USP13: variants seen among roughly 807,000 people sequenced by gnomAD.
The protein encoded by USP13 is ubiquitin specific peptidase 13.
In USP13, 68 loss-of-function variants were observed where a neutral mutation model predicts 107.8. The observed-to-expected ratio is 0.63, with a 90% confidence interval of 0.52 to 0.77. USP13 has a LOEUF of 0.77. Among genes scored for constraint, USP13 ranks in the 30% least tolerant of loss-of-function variants. The pLI is 0.00. For synonymous variants in USP13, 377 were observed against 389.5 expected, an observed-to-expected ratio of 0.97 and a Z score of 0.38; for missense variants, 945 against 1,093.3, an observed-to-expected ratio of 0.86 and a Z score of 1.91.
At chr3:179,686,479 G>A (rs1711877746) in intron 2 of USP13, among the ~76,000 whole-genome samples, 1 of 152,204 alleles carries the variant, frequency 6.6e-6, no homozygotes. Flanking sequence ...TACTTGGGAG[G>A]CTGAGGCGGG....
intron 15 of USP13, 95 bp downstream of exon 15, chr3:179,754,949 C>T (rs1714737763): frequency 6.9e-7 from 1 of 1,452,416 alleles, no homozygotes; most frequent in Middle Eastern, 1.8e-4. Context: ...GCTACCACCA[C>T]CACCCATTGG....
At chr3:179,677,069 G>A (rs1414195180) in intron 1 of USP13, among the ~76,000 whole-genome samples, 1 of 151,842 alleles carries the variant, frequency 6.6e-6, no homozygotes, top group Non-Finnish European at 1.5e-5. Flanking sequence ...CGTTGGTCAG[G>A]CTGGTCTCGA....
chr3:179,744,980 G>C, intron 12 of USP13, 63 bp from the exon 13 acceptor site: 1 of 1,592,974 alleles, frequency 6.3e-7, no homozygotes, highest in South Asian at 1.1e-5. Context: ...GTCCAAAGAG[G>C]GTGCTTTTCA....
In USP13 at chr3:179,675,246, G is replaced by A. The variant is rs143207296; in HGVS notation, c.169-6632G>A. Among the ~76,000 whole-genome samples, 208 of 150,548 alleles carry A rather than the reference G, an allele frequency of 1.4e-3. 5 individuals carry two copies. The East Asian group carries it at 0.036, about 26-fold the overall frequency. Reference sequence around the variant, plus strand: ...CCTTTTAAAAGTGGGCTGAATATATGAGTCTGCTCTTTTTAGTTTTGTAAT... The same window carrying A: ...CCTTTTAAAAGTGGGCTGAATATATAAGTCTGCTCTTTTTAGTTTTGTAAT... On this transcript the variant is annotated intron_variant, in intron 1 of 20. Coordinates refer to ENST00000263966, the MANE Select transcript of USP13 (RefSeq NM_003940.3).
chr3:179,744,903 C>A, intron 12 of USP13, 140 bp from the exon 13 acceptor site: 1 of 935,120 alleles, frequency 1.1e-6, no homozygotes, highest in Non-Finnish European at 1.6e-6. Flanking sequence ...TCAGCAGGGG[C>A]ATCTGGCTCT....
chr3:179,734,718 T>A (rs1334052934), intron 10 of USP13, among the ~76,000 whole-genome samples: 2 of 152,198 alleles, frequency 1.3e-5, no homozygotes, highest in African/African-American at 4.8e-5. Flanking sequence ...GGTTTGGGCC[T>A]GGGTTAAACA....
chr3:179,653,591 G>A lies in USP13; in HGVS notation c.168+198G>A. ...AGCCGAGGACTGGCTCGTGCTGGTG[G>A]TTTTGCTCCGCCAGCCTCCCCAGGC... On this transcript the variant is annotated intron_variant, in intron 1 of 20. Transcript: ENST00000263966. This position sits in a 1 kb window ranked among gnomAD's most constrained non-coding sequence, Gnocchi z 4.0. The A allele has an allele frequency of 8.1e-6, 6 of 737,296 alleles. No homozygotes were observed. The highest frequency in any genetic ancestry group is 1.2e-5 in the Non-Finnish European group (6 of 481,018). 45.7% of individuals were successfully genotyped at this position (737,296 alleles called of 1,614,324 possible).
Position 179,678,999 on chromosome 3 carries a change from T to G in USP13, c.169-2879T>G, listed in dbSNP as rs927529051. Reference sequence around the variant, plus strand: ...CTTTTATTTATTTATTTATTTAGTTTGCTTATTGCAATGTATATGCTACAG... The same window carrying G: ...CTTTTATTTATTTATTTATTTAGTTGGCTTATTGCAATGTATATGCTACAG... On this transcript the variant is annotated intron_variant, in intron 1 of 20. Coordinates refer to ENST00000263966, the MANE Select transcript of USP13 (RefSeq NM_003940.3). The surrounding 1 kb of genome is among the most constrained non-coding windows in gnomAD (Gnocchi z 4.2). Among the ~76,000 whole-genome samples, 1 of 152,228 alleles carries G rather than the reference T, an allele frequency of 6.6e-6. No individual in the cohort carries two copies. Among genetic ancestry groups the G allele is most frequent in the Non-Finnish European group, 1.5e-5 (1 of 68,042 alleles).
chr3:179,762,379 A>G (rs9757502), intron 17 of USP13, among the ~76,000 whole-genome samples: 122,744 of 152,190 alleles, frequency 0.81, 49,899 homozygotes, highest in East Asian at 0.9. Context: ...TCAAGAGTTC[A>G]AGACCAGCCT....
At chr3:179,729,514 C>G (rs1161189744) in intron 8 of USP13, among the ~76,000 whole-genome samples, 1 of 152,120 alleles carries the variant, frequency 6.6e-6, no homozygotes, top group African/African-American at 2.4e-5. Flanking sequence ...CTCTGTCATC[C>G]AGGCTGGAGT....
At chr3:179,705,730 A>AT (rs941479674) in intron 4 of USP13, among the ~76,000 whole-genome samples, 2 of 151,422 alleles carry the variant, frequency 1.3e-5, no homozygotes, top group Non-Finnish European at 2.9e-5. Context: ...TATTAAAAAA[A>AT]TTTTTTTTTG....
intron 4 of USP13, among the ~76,000 whole-genome samples, chr3:179,704,358 G>C (rs981288788): frequency 2.0e-5 from 3 of 152,170 alleles, no homozygotes; most frequent in African/African-American, 7.2e-5. Flanking sequence ...ACACAGACAT[G>C]ATTTGGGTAG....
intron 7 of USP13, among the ~76,000 whole-genome samples, chr3:179,720,731 T>G (rs1189013722): frequency 6.6e-6 from 1 of 152,144 alleles, no homozygotes; most frequent in African/African-American, 2.4e-5. Flanking sequence ...GAATTTAGTC[T>G]CCTTGCTTCT....
At chr3:179,720,536 T>C (rs532839025) in intron 7 of USP13, among the ~76,000 whole-genome samples, 1 of 152,232 alleles carries the variant, frequency 6.6e-6, no homozygotes, top group Non-Finnish European at 1.5e-5. Flanking sequence ...ATATTTTTCC[T>C]TTAAGGAACT....
intron 3 of USP13, among the ~76,000 whole-genome samples, chr3:179,698,257 TTTTGG>T (rs1329892769): frequency 6.6e-6 from 1 of 152,172 alleles, no homozygotes; most frequent in African/African-American, 2.4e-5. Context: ...GGGAAGGCAC[TTTTGG>T]TTGTGTTAGT....
Position 179,758,312 on chromosome 3 carries a change from A to G in USP13, c.1948+1234A>G, listed in dbSNP as rs534423728. Among the ~76,000 whole-genome samples the G allele has an allele frequency of 1.3e-4, 20 of 152,066 alleles. 1 individual carries two copies. The South Asian group carries it at 2.5e-3, about 19-fold the overall frequency. On this transcript the variant is annotated intron_variant, in intron 16 of 20. Coordinates refer to ENST00000263966, the MANE Select transcript of USP13 (RefSeq NM_003940.3). ...GGCCTGCAGGATCTCACTCCATGGG[A>G]AGTGATGGGCATTTGGAATTAACTG...
intron 10 of USP13, among the ~76,000 whole-genome samples, chr3:179,739,650 C>A (rs927762593): frequency 6.6e-6 from 1 of 151,166 alleles, no homozygotes; most frequent in African/African-American, 2.4e-5. Flanking sequence ...CTTCACCTCC[C>A]GGGTTCAAGC....
At chr3:179,734,283 C>T (rs1713908975) in intron 10 of USP13, among the ~76,000 whole-genome samples, 1 of 152,174 alleles carries the variant, frequency 6.6e-6, no homozygotes, top group Admixed American at 6.5e-5. Flanking sequence ...CTTGCACTTG[C>T]AGTAGATAAT....
chr3:179,671,097 A>T (rs146644825), intron 1 of USP13, among the ~76,000 whole-genome samples: 2 of 152,122 alleles, frequency 1.3e-5, no homozygotes, highest in African/African-American at 4.8e-5. Context: ...TACTAAAAAT[A>T]CAAAAATTAA....
Sources: gnomAD v4.1 joint callset for allele counts (sites outside exome capture counted in the v4.1 genomes callset) on GRCh38, gnomAD v4.1.1 for gene constraint, Gnocchi (gnomAD v3.1) non-coding constraint, MANE v1.5 for transcripts, NCBI Gene and HGNC (gene_info 2026-07-23, HGNC 2026-07-21) for gene names.